Variants in PLCB4 observed in about 807,000 individuals in gnomAD.
The protein encoded by PLCB4 is phospholipase C beta 4.
PLCB4 carries 77 observed loss-of-function variants against 178.8 expected under a neutral mutation model. That is an observed-to-expected ratio of 0.43 (90% CI 0.36 to 0.52). The LOEUF is 0.52. Among genes scored for constraint, PLCB4 ranks in the 20% least tolerant of loss-of-function variants. The pLI, the probability that PLCB4 is intolerant of heterozygous loss-of-function variation, is 0.00. For missense variants in PLCB4, 1,024 were observed against 1,453.4 expected (o/e 0.70, Z 4.80); for synonymous variants, 496 against 490.8 (o/e 1.01, Z -0.14).
chr20:9,347,791 C>T (rs1334462320), intron 7 of PLCB4, among the ~76,000 whole-genome samples: 2 of 152,144 alleles, frequency 1.3e-5, no homozygotes, highest in African/African-American at 4.8e-5. Flanking sequence ...TCCTGGCTAA[C>T]ATGGTGAAAC....
chr20:9,299,535 A>AT (rs541555924), intron 3 of PLCB4, among the ~76,000 whole-genome samples: 1 of 151,714 alleles, frequency 6.6e-6, no homozygotes, highest in South Asian at 2.1e-4. Context: ...GCCTGTGGTT[A>AT]TTTTTTTTCT....
chr20:9,267,973 T>C (rs2094365781), intron 3 of PLCB4, among the ~76,000 whole-genome samples: 1 of 152,070 alleles, frequency 6.6e-6, no homozygotes, highest in African/African-American at 2.4e-5. Context: ...TGGTTAGGTG[T>C]CTCTTTCTGT....
In PLCB4 at chr20:9,185,552, C is replaced by T. The variant is rs115031561; in HGVS notation, c.-78-31838C>T. On this transcript the variant is annotated intron_variant, in intron 2 of 39. Transcript: ENST00000378473. ...CCTGGCTTGTTCCCCACACTGACCC[C>T]TCTCCGTAGCCTGTTCTGCACTCAG... Among the ~76,000 whole-genome samples the T allele has an allele frequency of 2.4e-3, 363 of 152,268 alleles. 4 individuals are homozygous for T. The highest frequency in any genetic ancestry group is 8.2e-3 in the African/African-American group (339 of 41,548).
chr20:9,163,468 C>T (rs1347525508), intron 2 of PLCB4, among the ~76,000 whole-genome samples: 4 of 151,752 alleles, frequency 2.6e-5, no homozygotes, highest in East Asian at 1.9e-4. Context: ...AAGCCCTAGG[C>T]GGGTTCCTGG....
chr20:9,337,864 A>G, intron 5 of PLCB4, 144 bp from the exon 6 acceptor site: 1 of 559,412 alleles, frequency 1.8e-6, no homozygotes, highest in Non-Finnish European at 3.3e-6. Context: ...TACAATAATT[A>G]TTGTTACATG....
rs1397087038 is a variant in PLCB4 at position 9,409,040 on chromosome 20, T to C, written c.1875-17T>C. The C allele has an allele frequency of 1.2e-6, 2 of 1,607,126 alleles. No individual in the cohort carries two copies. Among genetic ancestry groups the C allele is most frequent in the East Asian group, 4.5e-5 (2 of 44,862 alleles). ...GCTGTAGGACTCTTTTTTTCTGTTT[T>C]CCTTAATAAGTTACAGTTATAACAA... On this transcript the variant is annotated splice_polypyrimidine_tract_variant and intron_variant, in intron 23 of 39. Transcript: ENST00000378473.
intron 27 of PLCB4, among the ~76,000 whole-genome samples, chr20:9,421,865 G>A (rs145490549): frequency 5.8e-4 from 89 of 152,266 alleles, no homozygotes; most frequent in South Asian, 2.1e-3. Flanking sequence ...CACTACATGG[G>A]TCAGTTGGCA....
chr20:9,302,947 A>T (rs2094723032), intron 3 of PLCB4, among the ~76,000 whole-genome samples: 1 of 152,012 alleles, frequency 6.6e-6, no homozygotes, highest in African/African-American at 2.4e-5. Flanking sequence ...ATTAAAAGGG[A>T]TGGTTGTCAG....
chr20:9,083,694 A>G (rs994685222), intron 1 of PLCB4, among the ~76,000 whole-genome samples: 13 of 152,254 alleles, frequency 8.5e-5, no homozygotes, highest in Non-Finnish European at 7.4e-5. Flanking sequence ...ATGGTTCATC[A>G]GTGGTATAGA....
Position 9,384,792 on chromosome 20 carries a change from T to C in PLCB4, c.1064+381T>C, listed in dbSNP as rs925613918. ...CCATTGATTATAGGCACTTGTAAAT[T>C]AGCTTTTTTTTTTTTTTTTTAGTAT... On this transcript the variant is annotated intron_variant, in intron 14 of 39. Coordinates refer to ENST00000378473, the MANE Select transcript of PLCB4 (RefSeq NM_001377142.1). 5.3e-5 allele frequency among the ~76,000 whole-genome samples: 8 copies of C among 150,774 alleles called. No individual in the cohort carries two copies. In the East Asian group the frequency reaches 1.4e-3, roughly 25 times the overall value.
In PLCB4 at chr20:9,138,948, G is replaced by A. The variant is rs144942047; in HGVS notation, c.-79+42606G>A. ...GAGCAAAATGGTAACTATAGTACAT[G>A]GGTATTATAGTCAAAGCCTTTGTAA... On this transcript the variant is annotated intron_variant, in intron 2 of 39. Transcript: ENST00000378473. Among the ~76,000 whole-genome samples, 571 of 152,164 alleles carry A rather than the reference G, an allele frequency of 3.8e-3. 1 individual carries two copies. The highest frequency in any genetic ancestry group is 0.034 in the Middle Eastern group (10 of 294).
intron 28 of PLCB4, among the ~76,000 whole-genome samples, chr20:9,431,647 TGTTTG>T (rs1568819829): frequency 1.6e-5 from 2 of 125,622 alleles, no homozygotes; most frequent in Non-Finnish European, 3.3e-5. Flanking sequence ...TGTGTGTGTG[TGTTTG>T]TGTGTGTGTG....
chr20:9,296,744 A>T (rs1019257070), intron 3 of PLCB4, among the ~76,000 whole-genome samples: 2 of 152,172 alleles, frequency 1.3e-5, no homozygotes, highest in African/African-American at 2.4e-5. Flanking sequence ...CATTTTCAAC[A>T]AACTATTGCA....
At chr20:9,397,621 G>C (rs1326222857) in intron 19 of PLCB4, among the ~76,000 whole-genome samples, 1 of 152,192 alleles carries the variant, frequency 6.6e-6, no homozygotes, top group African/African-American at 2.4e-5. Context: ...AAAGACTCCT[G>C]ACTGTGGAAC....
At chr20:9,246,805 T>C (rs958144118) in intron 3 of PLCB4, among the ~76,000 whole-genome samples, 1 of 152,174 alleles carries the variant, frequency 6.6e-6, no homozygotes, top group Non-Finnish European at 1.5e-5. Context: ...TGCCTTGTTT[T>C]AGTTGCTTAG....
intron 2 of PLCB4, among the ~76,000 whole-genome samples, chr20:9,208,473 A>T (rs2093637601): frequency 1.3e-5 from 2 of 152,126 alleles, no homozygotes; most frequent in Non-Finnish European, 2.9e-5. Flanking sequence ...TTTAAGTCTT[A>T]TCTAATAAGC....
intron 4 of PLCB4, among the ~76,000 whole-genome samples, chr20:9,333,554 AG>A (rs1175814169): frequency 2.0e-5 from 3 of 152,224 alleles, no homozygotes; most frequent in African/African-American, 4.8e-5. Context: ...CAGATCGTTC[AG>A]GACCTTTTCG....
intron 3 of PLCB4, among the ~76,000 whole-genome samples, chr20:9,219,904 T>C (rs976576906): frequency 3.9e-5 from 6 of 152,206 alleles, no homozygotes; most frequent in African/African-American, 1.4e-4. Context: ...CTAAATGTAT[T>C]TTTTAAGGCC....
At chr20:9,076,889 A>G (rs1195259432) in intron 1 of PLCB4, among the ~76,000 whole-genome samples, 2 of 152,192 alleles carry the variant, frequency 1.3e-5, no homozygotes, top group Non-Finnish European at 2.9e-5. Context: ...TTCCAATTGA[A>G]GTGATAATGC....
Sources: allele counts gnomAD v4.1 joint callset (sites outside exome capture counted in the v4.1 genomes callset), GRCh38; gene constraint gnomAD v4.1.1; transcripts MANE v1.5; gene names NCBI Gene and HGNC (gene_info 2026-07-23, HGNC 2026-07-21).